ARHGEF33: variants seen among roughly 807,000 people sequenced by gnomAD.
ARHGEF33 encodes the protein DH and coiled-coil domain-containing protein ENSP00000381780.
ARHGEF33 carries 72 observed loss-of-function variants against 101.9 expected under a neutral mutation model. The ratio of observed to expected loss-of-function variants is 0.71; its 90% CI spans 0.58 to 0.86. The LOEUF (loss-of-function observed/expected upper bound fraction) is 0.86. Among genes scored for constraint, ARHGEF33 ranks in the 40% least tolerant of loss-of-function variants. The pLI is 0.00. For missense variants in ARHGEF33, 1,169 were observed against 1,111.3 expected, an observed-to-expected ratio of 1.05 and a Z score of -0.74; for synonymous variants, 499 against 442.5, an observed-to-expected ratio of 1.13 and a Z score of -1.60.
chr2:38,929,935 C>T (rs1159464658), intron 6 of ARHGEF33, 105 bp downstream of exon 6: 2 of 957,094 alleles, frequency 2.1e-6, no homozygotes, highest in East Asian at 5.3e-5. Flanking sequence ...TAGCTGGCCA[C>T]TGTGCTCCAC....
intron 2 of ARHGEF33, among the ~76,000 whole-genome samples, chr2:38,899,449 G>C (rs1166389044): frequency 2.0e-5 from 3 of 152,082 alleles, no homozygotes; most frequent in Non-Finnish European, 4.4e-5. Context: ...AAATAAGCCA[G>C]CACCAAGCAG....
chr2:38,892,812 C>A (rs1558420509), intron 1 of ARHGEF33, among the ~76,000 whole-genome samples: 1 of 152,210 alleles, frequency 6.6e-6, no homozygotes, highest in East Asian at 1.9e-4. Context: ...TCGCTTCTAT[C>A]TGTGCCCTCC....
In ARHGEF33 at chr2:38,927,707, A is replaced by AAAC. The variant is rs530394499; in HGVS notation, c.76-1185_76-1183dup. ...CAAGACCCTGTCTCAAAACAAGACA[A>AAAC]AACAACAACAACAACAAAAACTTGA... On this transcript the variant is annotated intron_variant, in intron 4 of 17. Transcript: ENST00000409978. Among the ~76,000 whole-genome samples the AAAC allele has an allele frequency of 2.9e-3, 443 of 152,310 alleles. 3 individuals are homozygous for AAAC. The highest frequency in any genetic ancestry group is 0.01 in the African/African-American group (422 of 41,568).
intron 11 of ARHGEF33, among the ~76,000 whole-genome samples, chr2:38,951,959 G>C (rs1020753441): frequency 1.3e-5 from 2 of 152,220 alleles, no homozygotes; most frequent in Non-Finnish European, 2.9e-5. Context: ...AGTGAACACA[G>C]TATGGACTGG....
At chr2:38,932,395 G>C (rs1667027642) in intron 7 of ARHGEF33, among the ~76,000 whole-genome samples, 7 of 152,138 alleles carry the variant, frequency 4.6e-5, no homozygotes, top group Admixed American at 4.6e-4. Context: ...CCAAAGTGCT[G>C]GGATTACAGG....
chr2:38,965,944 A>C (rs1436599498), intron 16 of ARHGEF33, 62 bp from the exon 17 acceptor site: 3 of 1,533,226 alleles, frequency 2.0e-6, no homozygotes, highest in Non-Finnish European at 2.6e-6. Context: ...ATTGTCCCAT[A>C]GTCAGGATCC....
At position 38,937,339 on chromosome 2, in the gene ARHGEF33, G is replaced by C; in HGVS notation, c.570G>C (p.Val190=). Residue 190 remains valine (V), a synonymous_variant, in exon 9 of 18, where the codon GTG becomes GTC. Transcript: ENST00000409978. ...SNVKGMMGPG[V]NPTTPEAEEN... ...CCCCTCCCCCCACCCCACCAGGAGT[G>C]AACCCAACAACTCCAGAAGCAGAAG... 1 of 1,395,188 alleles carries C rather than the reference G, an allele frequency of 7.2e-7. No homozygotes were observed. Among genetic ancestry groups the C allele is most frequent in the Non-Finnish European group, 9.7e-7 (1 of 1,031,148 alleles). The allele number at this position is 1,395,188 out of a possible 1,614,324, so 86.4% of individuals were successfully genotyped here. A position where few individuals can be genotyped will look rare whatever the true frequency, so the allele number is the denominator to read the frequency against.
chr2:38,928,769 A>G (rs1241945313), intron 4 of ARHGEF33, 138 bp from the exon 5 acceptor site: 9 of 736,008 alleles, frequency 1.2e-5, no homozygotes, highest in Non-Finnish European at 1.5e-5. Context: ...TAAGTTGTCC[A>G]AAGTGAAGTA....
chr2:38,900,226 A>G (rs1227997846), intron 2 of ARHGEF33, among the ~76,000 whole-genome samples: 1 of 152,144 alleles, frequency 6.6e-6, no homozygotes, highest in Non-Finnish European at 1.5e-5. Context: ...CATAGAGACT[A>G]TTGCCTATAA....
chr2:38,953,651 G>C (rs1667667980), intron 12 of ARHGEF33, among the ~76,000 whole-genome samples: 1 of 152,208 alleles, frequency 6.6e-6, no homozygotes, highest in Non-Finnish European at 1.5e-5. Context: ...GTTGCTTGAA[G>C]TATTGCTACT....
At chr2:38,947,916 C>T (rs375961112) in intron 10 of ARHGEF33, among the ~76,000 whole-genome samples, 216 of 152,300 alleles carry the variant, frequency 1.4e-3, no homozygotes, top group African/African-American at 4.8e-3. Context: ...ATTTTGGCCT[C>T]ATTCTGGGCT....
chr2:38,926,447 A>G (rs1453408228), intron 4 of ARHGEF33, among the ~76,000 whole-genome samples: 1 of 152,228 alleles, frequency 6.6e-6, no homozygotes, highest in Non-Finnish European at 1.5e-5. Context: ...ATCCCTCAGC[A>G]TCTTAAAAGT....
At chr2:38,953,289 C>A in intron 12 of ARHGEF33, 44 bp downstream of exon 12, 1 of 1,095,188 alleles carries the variant, frequency 9.1e-7, no homozygotes, top group Non-Finnish European at 1.4e-6. Context: ...CTGCACATGG[C>A]ATCATATGAT....
chr2:38,894,386 T>A (rs1311975402), intron 1 of ARHGEF33, among the ~76,000 whole-genome samples: 1 of 148,786 alleles, frequency 6.7e-6, no homozygotes, highest in Non-Finnish European at 1.5e-5. Flanking sequence ...AACGCCAGCA[T>A]ATCAGTAAAG....
chr2:38,927,182 A>T (rs1287134925), intron 4 of ARHGEF33, among the ~76,000 whole-genome samples: 1 of 152,112 alleles, frequency 6.6e-6, no homozygotes, highest in Non-Finnish European at 1.5e-5. Flanking sequence ...GATTCCTCTT[A>T]TTGCTCTCTA....
chr2:38,939,345 C>T (rs1572760901), intron 9 of ARHGEF33, among the ~76,000 whole-genome samples: 1 of 152,020 alleles, frequency 6.6e-6, no homozygotes. Context: ...TGGGTGTATA[C>T]CTAGGAGTAA....
At chr2:38,947,545 T>TACAG (rs1667483106) in intron 10 of ARHGEF33, among the ~76,000 whole-genome samples, 2 of 152,200 alleles carry the variant, frequency 1.3e-5, no homozygotes, top group East Asian at 3.9e-4. Flanking sequence ...AGCCACCCTG[T>TACAG]GCTCTTATAC....
intron 17 of ARHGEF33, among the ~76,000 whole-genome samples, chr2:38,970,405 T>G (rs1244713031): frequency 6.6e-6 from 1 of 152,238 alleles, no homozygotes; most frequent in East Asian, 1.9e-4. Flanking sequence ...TTGATAAGTT[T>G]ATCTCACCTA....
At chr2:38,956,866 A>G (rs1400491541) in intron 13 of ARHGEF33, 33 bp from the exon 14 acceptor site, 1 of 1,549,718 alleles carries the variant, frequency 6.5e-7, no homozygotes, top group South Asian at 1.2e-5. Context: ...CATGCTGATT[A>G]TGCAATGCTA....
Sources: gnomAD v4.1 joint callset for allele counts (sites outside exome capture counted in the v4.1 genomes callset) on GRCh38, gnomAD v4.1.1 for gene constraint, MANE v1.5 for transcripts, NCBI Gene and HGNC (gene_info 2026-07-23, HGNC 2026-07-21) for gene names.